Variants in SYT10 observed in about 807,000 individuals in gnomAD.
The protein encoded by SYT10 is synaptotagmin 10.
In SYT10, 31 loss-of-function variants were observed where a neutral mutation model predicts 51.1. That is an observed-to-expected ratio of 0.61 (90% CI 0.46 to 0.82). The LOEUF is 0.82. Ranked by LOEUF, SYT10 falls within the 40% of genes least tolerant of loss-of-function variation. The probability of loss-of-function intolerance (pLI) is 0.00; values close to 1 mark genes in which losing one functional copy is unlikely to be tolerated. For synonymous variants in SYT10, 233 were observed against 225.9 expected, an observed-to-expected ratio of 1.03 and a Z score of -0.28; for missense variants, 603 against 634.0, an observed-to-expected ratio of 0.95 and a Z score of 0.53.
Position 33,375,451 on chromosome 12 carries a change from C to T in SYT10, c.*1379G>A, listed in dbSNP as rs1255309090. ...AAAAAACCACCAATTTTGAAATAAG[C>T]TTGAAATATATACTATCTATACCAC... is the stretch of plus-strand genomic sequence containing the variant. On this transcript the variant is annotated 3_prime_UTR_variant, in exon 7 of 7. Transcript: ENST00000228567. The T allele has an allele frequency of 6.6e-6, 1 of 151,748 alleles. No individual in the cohort carries two copies. The highest frequency in any genetic ancestry group is 1.5e-5 in the Non-Finnish European group (1 of 67,896). 9.4% of individuals were successfully genotyped at this position (151,748 alleles called of 1,614,324 possible).
intron 3 of SYT10, among the ~76,000 whole-genome samples, chr12:33,394,044 T>C (rs1565492675): frequency 6.6e-6 from 1 of 152,166 alleles, no homozygotes; most frequent in Non-Finnish European, 1.5e-5. Context: ...CCTCCCTATA[T>C]AAGTAGATTA....
intron 3 of SYT10, among the ~76,000 whole-genome samples, chr12:33,403,728 T>G (rs1866326429): frequency 6.6e-6 from 1 of 152,186 alleles, no homozygotes; most frequent in Non-Finnish European, 1.5e-5. Context: ...ATGAAATTCT[T>G]AAAAATTAAT....
At chr12:33,388,250 T>C (rs899529355) in intron 3 of SYT10, among the ~76,000 whole-genome samples, 3 of 152,180 alleles carry the variant, frequency 2.0e-5, no homozygotes, top group African/African-American at 7.2e-5. Context: ...CAGTAAATAA[T>C]ATTTAAAGTA....
chr12:33,381,046 A>AT (rs779337392), intron 5 of SYT10, among the ~76,000 whole-genome samples: 1 of 152,126 alleles, frequency 6.6e-6, no homozygotes, highest in Non-Finnish European at 1.5e-5. Flanking sequence ...TTTCCCTAAA[A>AT]TTGCCCCAGT....
At chr12:33,403,065 TG>T (rs1442986004) in intron 3 of SYT10, among the ~76,000 whole-genome samples, 1 of 152,070 alleles carries the variant, frequency 6.6e-6, no homozygotes, top group African/African-American at 2.4e-5. Flanking sequence ...CAGTAAATTT[TG>T]GTCTAAATTA....
chr12:33,400,416 T>A (rs1417312149), intron 3 of SYT10, among the ~76,000 whole-genome samples: 2 of 152,204 alleles, frequency 1.3e-5, no homozygotes, highest in Non-Finnish European at 2.9e-5. Context: ...CAACAGTTCC[T>A]TTGTACTTGT....
intron 1 of SYT10, among the ~76,000 whole-genome samples, chr12:33,427,842 CT>C (rs1172124226): frequency 2.0e-5 from 3 of 152,084 alleles, no homozygotes; most frequent in Admixed American, 6.5e-5. Context: ...TTTTAAATGA[CT>C]TTTTCATGTT....
At position 33,426,402 on chromosome 12, in the gene SYT10, G is replaced by A; in HGVS notation, c.245C>T (p.Pro82Leu). 1.2e-6 allele frequency: 2 copies of A among 1,614,026 alleles called. No homozygotes were observed. The highest frequency in any genetic ancestry group is 1.7e-6 in the Non-Finnish European group (2 of 1,179,978). Residue 82 changes from proline (P) to leucine (L), a missense_variant, in exon 2 of 7, where the codon CCA (proline) becomes CTA (leucine). Pro to Leu is a moderately conservative substitution (Grantham distance 98, BLOSUM62 -3). Transcript: ENST00000228567. ...AGTCACAGGTTTGCTTTTCCAGCAT[G>A]GCCAACACAGCTTCCAGAAGACAAA... Reference protein sequence around the residue: ...SLFVFWKLCWPCWKSKPVTSN... With the variant: ...SLFVFWKLCWLCWKSKPVTSN...
At chr12:33,393,327 T>C (rs1866226567) in intron 3 of SYT10, among the ~76,000 whole-genome samples, 1 of 152,188 alleles carries the variant, frequency 6.6e-6, no homozygotes, top group Admixed American at 6.5e-5. Context: ...CATAAGCTTC[T>C]GGATGCAAAA....
intron 2 of SYT10, among the ~76,000 whole-genome samples, chr12:33,415,307 G>A (rs1866443382): frequency 6.6e-6 from 1 of 151,918 alleles, no homozygotes; most frequent in Admixed American, 6.6e-5. Context: ...TTATAATTCA[G>A]GATACAAGAA....
intron 4 of SYT10, among the ~76,000 whole-genome samples, chr12:33,383,140 C>G (rs1240505614): frequency 6.6e-6 from 1 of 152,076 alleles, no homozygotes; most frequent in Non-Finnish European, 1.5e-5. Context: ...TGTAAAACTG[C>G]TATAGTATTA....
chr12:33,393,232 C>G (rs1866225700), intron 3 of SYT10, among the ~76,000 whole-genome samples: 1 of 152,052 alleles, frequency 6.6e-6, no homozygotes, highest in South Asian at 2.1e-4. Context: ...AACATAGATA[C>G]TGAGACAAGT....
At chr12:33,421,811 G>T (rs1386364103) in intron 2 of SYT10, among the ~76,000 whole-genome samples, 1 of 152,000 alleles carries the variant, frequency 6.6e-6, no homozygotes, top group Non-Finnish European at 1.5e-5. Flanking sequence ...CAGAGAAAGT[G>T]GACTCTCAGA....
At chr12:33,419,406 A>G (rs533522075) in intron 2 of SYT10, among the ~76,000 whole-genome samples, 90 of 152,294 alleles carry the variant, frequency 5.9e-4, no homozygotes, top group Admixed American at 1.4e-3. Context: ...CCATGTGACT[A>G]AATAGCAATT....
intron 6 of SYT10, among the ~76,000 whole-genome samples, chr12:33,378,489 G>T (rs1866084747): frequency 6.6e-6 from 1 of 152,156 alleles, no homozygotes; most frequent in Non-Finnish European, 1.5e-5. Flanking sequence ...ATATGGAGAA[G>T]TGTAGTTGGA....
Position 33,439,559 on chromosome 12 carries a change from G to T in SYT10, c.-37C>A, listed in dbSNP as rs767029634. On this transcript the variant is annotated 5_prime_UTR_variant, in exon 1 of 7. In the 5' UTR this introduces an upstream ATG that the reference lacks. Transcript: ENST00000228567. ...TCTTTCGTTTTCTCTTTTTTTCCCA[G>T]TTAGCCGTCTTTTCCTCTTCCCGTA... 1.2e-6 allele frequency: 2 copies of T among 1,604,912 alleles called. No individual in the cohort carries two copies. Among genetic ancestry groups the T allele is most frequent in the African/African-American group, 2.7e-5 (2 of 74,702 alleles).
chr12:33,423,949 T>C (rs1197889938), intron 2 of SYT10: 1 of 455,804 alleles, frequency 2.2e-6, no homozygotes. Flanking sequence ...AAGGGTGCCT[T>C]GGCATAGTGA....
chr12:33,374,269 TAAGTCCCTGAAG>T lies in SYT10; in HGVS notation c.*2549_*2560del, dbSNP rs1441599566. 1.3e-5 allele frequency: 2 copies of T among 151,986 alleles called. No individual in the cohort carries two copies. Among genetic ancestry groups the T allele is most frequent in the South Asian group, 2.1e-4 (1 of 4,820 alleles). The allele number at this position is 151,986 out of a possible 1,614,324, so 9.4% of individuals were successfully genotyped here. ...TTTTTTTTCCTAGACTGATATTTGG[TAAGTCCCTGAAG>T]AAGTCCCTGAAATTAGATGTTCATT... On this transcript the variant is annotated 3_prime_UTR_variant, in exon 7 of 7. Transcript: ENST00000228567.
At position 33,376,643 on chromosome 12, in the gene SYT10, T is replaced by C. The variant is rs1331717342; in HGVS notation, c.*187A>G. ...CTTATGCAACTAAGGACTATATGTA[T>C]TCAAGTAAAATGTATTGATGTTCAA... On this transcript the variant is annotated 3_prime_UTR_variant, in exon 7 of 7. Transcript: ENST00000228567. 3 of 635,178 alleles carry C rather than the reference T, an allele frequency of 4.7e-6. No individual in the cohort carries two copies. The East Asian group carries it at 8.3e-5, about 18-fold the overall frequency. 39.3% of individuals were successfully genotyped at this position (635,178 alleles called of 1,614,324 possible).
Sources: allele counts gnomAD v4.1 joint callset (sites outside exome capture counted in the v4.1 genomes callset), GRCh38; gene constraint gnomAD v4.1.1; transcripts MANE v1.5; gene names NCBI Gene and HGNC (gene_info 2026-07-23, HGNC 2026-07-21).